The following MBP variants were observed in gnomAD, a reference collection of about 807,000 sequenced individuals.
MBP encodes the protein Golli-MBP.
A neutral mutation model predicts 35.8 loss-of-function variants in MBP; 16 were observed. The ratio of observed to expected loss-of-function variants is 0.45; its 90% confidence interval spans 0.30 to 0.68. The LOEUF (loss-of-function observed/expected upper bound fraction) is 0.68. MBP is among the 30% of genes least tolerant of loss of function. The probability of loss-of-function intolerance (pLI) is 0.08; values close to 1 mark genes in which losing one functional copy is unlikely to be tolerated. For synonymous variants in MBP, 143 were observed against 159.6 expected (o/e 0.90, Z 0.78); for missense variants, 380 against 404.7 (o/e 0.94, Z 0.52).
intron 3 of MBP, among the ~76,000 whole-genome samples, chr18:77,027,574 C>G (rs941888337): frequency 4.7e-5 from 6 of 127,986 alleles, no homozygotes; most frequent in Admixed American, 8.1e-5. Flanking sequence ...ACACATAGAG[C>G]TCACAACTCT....
intron 2 of MBP, among the ~76,000 whole-genome samples, chr18:77,088,826 C>T (rs768018464): frequency 2.2e-4 from 34 of 152,196 alleles, no homozygotes; most frequent in Non-Finnish European, 4.1e-4. Context: ...GCCCCTAGCG[C>T]CTTGAAGATG....
chr18:77,058,500 A>T (rs1973834570), intron 3 of MBP, among the ~76,000 whole-genome samples: 1 of 152,154 alleles, frequency 6.6e-6, no homozygotes, highest in Admixed American at 6.5e-5. Flanking sequence ...GCACGACCCC[A>T]GCCCCCACCG....
intron 4 of MBP, chr18:76,990,709 G>A (rs1300687175): frequency 1.8e-5 from 3 of 170,366 alleles, no homozygotes; most frequent in African/African-American, 7.2e-5. Flanking sequence ...GCAAATTAGG[G>A]TGTGTGTGTG....
intron 2 of MBP, chr18:77,093,404 C>G (rs188436275): frequency 1.3e-5 from 2 of 152,278 alleles, no homozygotes; most frequent in Admixed American, 6.5e-5. Context: ...CACCACTTCA[C>G]GATCACCCCA....
chr18:76,985,286 G>C, intron 7 of MBP: 1 of 1,310,160 alleles, frequency 7.6e-7, no homozygotes, highest in South Asian at 1.2e-5. Context: ...CACGGGTTTG[G>C]AGGACTCGGA....
At chr18:77,115,314 CA>C (rs771068925) in intron 1 of MBP, 1 of 152,250 alleles carries the variant, frequency 6.6e-6, no homozygotes, top group Non-Finnish European at 1.5e-5. Context: ...TCCTTGCCAG[CA>C]GGCACAATGG....
At chr18:77,074,567 C>T (rs1974580446) in intron 2 of MBP, among the ~76,000 whole-genome samples, 1 of 152,086 alleles carries the variant, frequency 6.6e-6, no homozygotes, top group Admixed American at 6.5e-5. Flanking sequence ...TGTCTGGCCC[C>T]CATCCAGGCC....
At chr18:77,021,578 G>C (rs1234351476) in intron 3 of MBP, among the ~76,000 whole-genome samples, 1 of 151,194 alleles carries the variant, frequency 6.6e-6, no homozygotes, top group Non-Finnish European at 1.5e-5. Flanking sequence ...CCGCCTCCCG[G>C]GTTCACGCCA....
At chr18:77,061,066 G>A (rs1198647155) in intron 3 of MBP, among the ~76,000 whole-genome samples, 1 of 152,202 alleles carries the variant, frequency 6.6e-6, no homozygotes, top group Non-Finnish European at 1.5e-5. Flanking sequence ...CCTGGCTCTG[G>A]GAAGGGACCC....
At chr18:77,075,553 G>C (rs1974616809) in intron 2 of MBP, among the ~76,000 whole-genome samples, 1 of 152,188 alleles carries the variant, frequency 6.6e-6, no homozygotes. Flanking sequence ...TGAGGGTGCA[G>C]CCATCTGATT....
At position 77,089,092 on chromosome 18, in the gene MBP, C is replaced by T. The variant is rs901145218; in HGVS notation, c.51+16119G>A. On this transcript the variant is annotated intron_variant, in intron 2 of 8. Coordinates refer to ENST00000355994, the MANE Select transcript of MBP (RefSeq NM_001025101.2). ...TCACGTAGCCTGTCACATCCTCCCA[C>T]GGGACACAGGGCACCTGCCTTCTTC... 2.0e-5 allele frequency among the ~76,000 whole-genome samples: 3 copies of T among 152,256 alleles called. No individual in the cohort carries two copies. In the East Asian group the frequency reaches 5.8e-4, roughly 29 times the overall value.
At chr18:76,999,909 G>A (rs1970539335) in intron 4 of MBP, among the ~76,000 whole-genome samples, 1 of 152,172 alleles carries the variant, frequency 6.6e-6, no homozygotes, top group South Asian at 2.1e-4. Flanking sequence ...TTCAAGTACT[G>A]CACTTTCTTT....
chr18:77,099,218 G>A (rs1055885678), intron 2 of MBP, among the ~76,000 whole-genome samples: 1 of 152,132 alleles, frequency 6.6e-6, no homozygotes, highest in Non-Finnish European at 1.5e-5. Flanking sequence ...TACACTATAC[G>A]GGGGGTCTCA....
chr18:77,029,876 A>G (rs571889091), intron 3 of MBP, among the ~76,000 whole-genome samples: 1 of 152,172 alleles, frequency 6.6e-6, no homozygotes, highest in Non-Finnish European at 1.5e-5. Context: ...CCGGAAACTA[A>G]TAATTTTCCT....
intron 2 of MBP, among the ~76,000 whole-genome samples, chr18:77,080,593 G>A (rs1195699809): frequency 6.6e-6 from 1 of 152,268 alleles, no homozygotes; most frequent in Non-Finnish European, 1.5e-5. Context: ...CTAGACACAG[G>A]AGTACTAGAG....
chr18:77,020,265 G>C lies in MBP; in HGVS notation c.140-2997C>G, dbSNP rs1289665227. On this transcript the variant is annotated intron_variant, in intron 3 of 8. Coordinates refer to ENST00000355994, the MANE Select transcript of MBP (RefSeq NM_001025101.2). This position sits in a 1 kb window ranked among gnomAD's most constrained non-coding sequence, Gnocchi z 4.1. The stretch of plus-strand genomic sequence containing the variant: ...CTGGCCTGGGGTGGGGGAGTGGGGA[G>C]AGTGGCTGCAGGTGGCCTGGTTGGG... 1.3e-5 allele frequency among the ~76,000 whole-genome samples: 2 copies of C among 152,150 alleles called. No individual in the cohort carries two copies. Among genetic ancestry groups the C allele is most frequent in the Non-Finnish European group, 2.9e-5 (2 of 68,024 alleles).
intron 3 of MBP, among the ~76,000 whole-genome samples, chr18:77,051,093 A>G (rs1211602750): frequency 6.6e-6 from 1 of 152,242 alleles, no homozygotes; most frequent in Non-Finnish European, 1.5e-5. Context: ...TTGAGGTAAC[A>G]TAGCATGTAA....
intron 2 of MBP, among the ~76,000 whole-genome samples, chr18:77,087,996 C>T (rs755529851): frequency 6.6e-6 from 1 of 152,012 alleles, no homozygotes; most frequent in African/African-American, 2.4e-5. Flanking sequence ...AGGTTCCCAC[C>T]CTCCGAGCCC....
intron 4 of MBP, among the ~76,000 whole-genome samples, chr18:76,991,790 C>T (rs80294557): frequency 0.015 from 2,308 of 152,292 alleles, 26 homozygotes; most frequent in Middle Eastern, 0.027. Context: ...GTTAAATGCA[C>T]GGAAGTCAAT....
Sources: allele counts gnomAD v4.1 joint callset (sites outside exome capture counted in the v4.1 genomes callset), GRCh38; gene constraint gnomAD v4.1.1; non-coding constraint Gnocchi (gnomAD v3.1); transcripts MANE v1.5; gene names NCBI Gene and HGNC (gene_info 2026-07-23, HGNC 2026-07-21).